The following ENPP5 variants were observed in gnomAD, a reference collection of about 807,000 sequenced individuals.
ENPP5 encodes the protein E-NPP 5.
ENPP5 carries 27 observed loss-of-function variants against 33.7 expected under a neutral mutation model. The ratio of observed to expected loss-of-function variants is 0.80; its 90% confidence interval spans 0.59 to 1.11. The LOEUF (loss-of-function observed/expected upper bound fraction) is 1.11, where lower values mean the gene tolerates loss of function less well. Ranked by LOEUF, ENPP5 falls within the 50% of genes least tolerant of loss-of-function variation. The pLI, the probability that ENPP5 is intolerant of heterozygous loss-of-function variation, is 0.00. For synonymous variants in ENPP5, 199 were observed against 200.5 expected, an observed-to-expected ratio of 0.99 and a Z score of 0.06; for missense variants, 552 against 579.2, an observed-to-expected ratio of 0.95 and a Z score of 0.48.
intron 1 of ENPP5, among the ~76,000 whole-genome samples, 178 bp from the exon 2 acceptor site, chr6:46,170,292 G>A (rs1383430305): frequency 1.3e-5 from 2 of 152,084 alleles, no homozygotes; most frequent in African/African-American, 2.4e-5. Context: ...ATTAAGTGTT[G>A]TCTAAAGCTT....
intron 4 of ENPP5, among the ~76,000 whole-genome samples, chr6:46,163,228 T>A (rs1454175120): frequency 2.6e-5 from 4 of 151,180 alleles, no homozygotes; most frequent in East Asian, 3.9e-4. Flanking sequence ...TTTTTTTTTT[T>A]ATTATACTTT....
At chr6:46,167,337 T>C in intron 3 of ENPP5, 97 bp downstream of exon 3, 1 of 774,812 alleles carries the variant, frequency 1.3e-6, no homozygotes. Context: ...AGGCAAAGTC[T>C]ACTTTAAAGG....
Position 46,165,549 on chromosome 6 carries a change from C to G in ENPP5, c.844G>C (p.Val282Leu), listed in dbSNP as rs763539819. ...TGAGCGTGAGTTAGTGCTTCATAGA[C>G]TTCATCAAATTTACCTAAAGAGAAG... ...ILPKEGKFDE[V>L]YEALTHAHPN... is the part of the protein sequence containing the mutation. Residue 282 changes from valine to leucine, a missense_variant, in exon 4 of 5, where the codon GTC becomes CTC. Transcript: ENST00000371383. 8.9e-6 allele frequency: 14 copies of G among 1,570,568 alleles called. No homozygotes were observed. The highest frequency in any genetic ancestry group is 1.1e-5 in the Non-Finnish European group (13 of 1,165,816).
intron 1 of ENPP5, among the ~76,000 whole-genome samples, chr6:46,170,555 A>G (rs1048768333): frequency 6.6e-6 from 1 of 152,086 alleles, no homozygotes; most frequent in African/African-American, 2.4e-5. Flanking sequence ...CGGAAGAGGG[A>G]AAGTGCAGAA....
chr6:46,168,913 T>A (rs2127499713), intron 2 of ENPP5, among the ~76,000 whole-genome samples: 1 of 152,280 alleles, frequency 6.6e-6, no homozygotes, highest in East Asian at 1.9e-4. Context: ...GATATATTTA[T>A]TGAAAAGTAA....
intron 2 of ENPP5, 88 bp from the exon 3 acceptor site, chr6:46,168,385 T>C (rs1764622075): frequency 1.8e-6 from 1 of 545,774 alleles, no homozygotes; most frequent in South Asian, 3.8e-5. Flanking sequence ...TTAGCAATCC[T>C]AGTTATATTC....
In ENPP5 at chr6:46,161,120, C is replaced by T. The variant is rs939372935; in HGVS notation, c.*206G>A. ...TGCTACAGTGAACAATGGAGACATA[C>T]TCTCACATCTTTATTCCTTTGCAGG... On this transcript the variant is annotated 3_prime_UTR_variant, in exon 5 of 5. Transcript: ENST00000371383. 6 of 552,706 alleles carry T rather than the reference C, an allele frequency of 1.1e-5. No homozygotes were observed. Among genetic ancestry groups the T allele is most frequent in the South Asian group, 2.2e-5 (1 of 45,312 alleles). The allele number at this position is 552,706 out of a possible 1,614,324, so 34.2% of individuals were successfully genotyped here.
At position 46,168,000 on chromosome 6, in the gene ENPP5, T is replaced by A; in HGVS notation, c.263A>T (p.His88Leu). Residue 88 changes from histidine to leucine, a missense_variant, in exon 3 of 5, where the codon CAT (histidine) becomes CTT (leucine). Coordinates refer to ENST00000371383, the MANE Select transcript of ENPP5 (RefSeq NM_001290072.2). ...TLVTGLFAEN[H>L]GIVANDMFDP... ...AAACATATCATTTGCAACAATCCCATGATTCTCTGCAAAGAGGCCAGTTAC... is the reference window on the plus strand; with the variant it reads ...AAACATATCATTTGCAACAATCCCAAGATTCTCTGCAAAGAGGCCAGTTAC... The A allele has an allele frequency of 6.2e-7, 1 of 1,614,194 alleles. No individual in the cohort carries two copies. The highest frequency in any genetic ancestry group is 8.5e-7 in the Non-Finnish European group (1 of 1,180,040).
chr6:46,165,530 T>C lies in ENPP5; in HGVS notation c.863A>G (p.His288Arg). 2 of 1,601,862 alleles carry C rather than the reference T, an allele frequency of 1.2e-6. No individual in the cohort carries two copies. Among genetic ancestry groups the C allele is most frequent in the Non-Finnish European group, 1.7e-6 (2 of 1,176,252 alleles). Residue 288 changes from histidine to arginine, a missense_variant, in exon 4 of 5, where the codon CAC (histidine) becomes CGC (arginine). Physicochemically the swap from His to Arg is conservative, Grantham distance 29 (BLOSUM62 0). Transcript: ENST00000371383. ...GTAAACAGTAAGATTAGGATGAGCGTGAGTTAGTGCTTCATAGACTTCATC... is the reference window on the plus strand; with the variant it reads ...GTAAACAGTAAGATTAGGATGAGCGCGAGTTAGTGCTTCATAGACTTCATC... Reference protein sequence around the residue: ...KFDEVYEALTHAHPNLTVYKK... With the variant: ...KFDEVYEALTRAHPNLTVYKK...
Position 46,160,203 on chromosome 6 carries a change from C to A in ENPP5, c.*1123G>T, listed in dbSNP as rs1406201301. ...CTAGTATGCACACTTTACCACTGTT[C>A]TGGGTGTCTTGTAAACATCTCACAT... is the stretch of plus-strand genomic sequence containing the variant. On this transcript the variant is annotated 3_prime_UTR_variant, in exon 5 of 5. Coordinates refer to ENST00000371383, the MANE Select transcript of ENPP5 (RefSeq NM_001290072.2). The A allele has an allele frequency of 6.6e-6, 1 of 152,142 alleles. No homozygotes were observed. Among genetic ancestry groups the A allele is most frequent in the Non-Finnish European group, 1.5e-5 (1 of 68,024 alleles). The allele number at this position is 152,142 out of a possible 1,614,324, so 9.4% of individuals were successfully genotyped here.
In ENPP5 at chr6:46,161,726, A is replaced by G. The variant is rs760025575; in HGVS notation, c.1034T>C (p.Leu345Ser). 3.8e-5 allele frequency: 61 copies of G among 1,611,804 alleles called. No individual in the cohort carries two copies. Among genetic ancestry groups the G allele is most frequent in the Non-Finnish European group, 5.1e-5 (60 of 1,179,916 alleles). Residue 345 changes from leucine (L) to serine (S), a missense_variant, in exon 5 of 5, where the codon TTA (leucine) becomes TCA (serine). Physicochemically the swap from Leu to Ser is moderately radical, Grantham distance 145 (BLOSUM62 -2). Coordinates refer to ENST00000371383, the MANE Select transcript of ENPP5 (RefSeq NM_001290072.2). ...TAAAAATATTGGATGCATATCTGCT[A>G]ACGCATTATCGTAACCGTGGTTGCC... ...LLGNHGYDNA[L>S]ADMHPIFLAH...
At chr6:46,163,082 A>C (rs1259145379) in intron 4 of ENPP5, among the ~76,000 whole-genome samples, 2 of 152,248 alleles carry the variant, frequency 1.3e-5, no homozygotes, top group African/African-American at 4.8e-5. Context: ...AGCCCCGATC[A>C]TAAATGCTTG....
At position 46,163,406 on chromosome 6, in the gene ENPP5, C is replaced by T. The variant is rs544492834; in HGVS notation, c.1007-1653G>A. ...AACAGTCCCCAGAGTGTGATATTCC[C>T]CTTCCTGTGTCCATGTGATCTCATT... is the stretch of plus-strand genomic sequence containing the variant. On this transcript the variant is annotated intron_variant, in intron 4 of 4. Transcript: ENST00000371383. Among the ~76,000 whole-genome samples the T allele has an allele frequency of 2.5e-3, 345 of 139,380 alleles. 1 individual carries two copies. The highest frequency in any genetic ancestry group is 8.8e-3 in the African/African-American group (329 of 37,294). 91.4% of individuals were successfully genotyped at this position (139,380 alleles called of 152,430 possible). A position where few individuals can be genotyped will look rare whatever the true frequency, so the allele number is the denominator to read the frequency against.
At position 46,167,521 on chromosome 6, in the gene ENPP5, T is replaced by C; in HGVS notation, c.742A>G (p.Arg248Gly). ...AGGTACTGGTCAAGTTCTATTAACC[T>C]TTCCTCAGAGCACTGCGTCATTCCA... ...DHGMTQCSEE[R>G]LIELDQYLDK... Residue 248 changes from arginine (R) to glycine (G), a missense_variant, in exon 3 of 5, where the codon AGG (arginine) becomes GGG (glycine). By Grantham distance (125) the Arg-to-Gly change is moderately radical. Coordinates refer to ENST00000371383, the MANE Select transcript of ENPP5 (RefSeq NM_001290072.2). 6.2e-7 allele frequency: 1 copy of C among 1,614,206 alleles called. No individual in the cohort carries two copies. Among genetic ancestry groups the C allele is most frequent in the South Asian group, 1.1e-5 (1 of 91,080 alleles).
chr6:46,162,796 G>T (rs1764429408), intron 4 of ENPP5, among the ~76,000 whole-genome samples: 1 of 152,074 alleles, frequency 6.6e-6, no homozygotes, highest in African/African-American at 2.4e-5. Flanking sequence ...AGTAAAAATA[G>T]CACTGAAATT....
chr6:46,162,318 C>T (rs1036996296), intron 4 of ENPP5, among the ~76,000 whole-genome samples: 2 of 152,152 alleles, frequency 1.3e-5, no homozygotes, highest in Non-Finnish European at 2.9e-5. Flanking sequence ...GTAGGAAACT[C>T]CTGATTTTGG....
chr6:46,169,749 G>A (rs1387933954), intron 2 of ENPP5, among the ~76,000 whole-genome samples: 1 of 152,150 alleles, frequency 6.6e-6, no homozygotes, highest in Admixed American at 6.5e-5. Flanking sequence ...TGTATTATAG[G>A]TACAGGTAAA....
At position 46,161,636 on chromosome 6, in the gene ENPP5, G is replaced by C; in HGVS notation, c.1124C>G (p.Pro375Arg). The change falls in exon 5 of 5, where the codon CCA becomes CGA. Residue 375 changes from proline (P) to arginine (R), a missense_variant. Transcript: ENST00000371383. ...GATATTGAGGAGGTGGCATAGTAGT[G>C]GGTACAAATCTGTGGAGTTCATGGC... ...KEAMNSTDLYPLLCHLLNITA... is the reference protein window; with the variant it reads ...KEAMNSTDLYRLLCHLLNITA... 4.3e-6 allele frequency: 7 copies of C among 1,613,834 alleles called. No individual in the cohort carries two copies. The highest frequency in any genetic ancestry group is 5.9e-6 in the Non-Finnish European group (7 of 1,179,786).
rs1006700583 is a variant in ENPP5 at position 46,159,804 on chromosome 6, C to T, written c.*1522G>A. On this transcript the variant is annotated 3_prime_UTR_variant, in exon 5 of 5. Transcript: ENST00000371383. ...TTACCTACTCATTAGCCAATTGGTACATATATATACATGAAATCACAGTAC... is the reference window on the plus strand; with the variant it reads ...TTACCTACTCATTAGCCAATTGGTATATATATATACATGAAATCACAGTAC... 2 of 152,240 alleles carry T rather than the reference C, an allele frequency of 1.3e-5. No individual in the cohort carries two copies. The highest frequency in any genetic ancestry group is 2.1e-4 in the South Asian group (1 of 4,820). 9.4% of individuals were successfully genotyped at this position (152,240 alleles called of 1,614,324 possible).
Sources: gnomAD v4.1 joint callset for allele counts (sites outside exome capture counted in the v4.1 genomes callset) on GRCh38, gnomAD v4.1.1 for gene constraint, MANE v1.5 for transcripts, NCBI Gene and HGNC (gene_info 2026-07-23, HGNC 2026-07-21) for gene names.